ABLIM2: variants seen among roughly 807,000 people sequenced by gnomAD.
The protein encoded by ABLIM2 is actin-binding LIM protein 2.
A neutral mutation model predicts 97.7 loss-of-function variants in ABLIM2; 53 were observed. That is an observed-to-expected ratio of 0.54 (90% CI 0.44 to 0.68). The LOEUF (loss-of-function observed/expected upper bound fraction) is 0.68. ABLIM2 is among the 30% of genes least tolerant of loss of function. ABLIM2 has a pLI of 0.00. For missense variants in ABLIM2, 835 were observed against 867.2 expected, an observed-to-expected ratio of 0.96 and a Z score of 0.47; for synonymous variants, 361 against 345.8, an observed-to-expected ratio of 1.04 and a Z score of -0.49.
intron 16 of ABLIM2, chr4:8,007,429 C>T (rs1488893853): frequency 6.1e-6 from 6 of 985,442 alleles, no homozygotes; most frequent in South Asian, 4.7e-5. Context: ...AGCTGAGACC[C>T]GCAGACCGCT....
chr4:8,151,864 G>C (rs1323361934), intron 1 of ABLIM2, among the ~76,000 whole-genome samples: 1 of 151,516 alleles, frequency 6.6e-6, no homozygotes, highest in Non-Finnish European at 1.5e-5. Flanking sequence ...GGGTGGGGGT[G>C]GGGGAGTCGG....
chr4:8,154,064 G>A lies in ABLIM2; in HGVS notation c.10+4616C>T, dbSNP rs201778889. Among the ~76,000 whole-genome samples, 305 of 147,964 alleles carry A rather than the reference G, an allele frequency of 2.1e-3. 1 individual carries two copies. Among genetic ancestry groups the A allele is most frequent in the East Asian group, 0.018 (89 of 4,964 alleles). Reference sequence around the variant, plus strand: ...TGCAAGCTCTGCCTCCCAGGTTCACGCCATTCTCCTGCCTCAGCCTCCCGA... The same window carrying A: ...TGCAAGCTCTGCCTCCCAGGTTCACACCATTCTCCTGCCTCAGCCTCCCGA... On this transcript the variant is annotated intron_variant, in intron 1 of 20. Coordinates refer to ENST00000447017, the MANE Select transcript of ABLIM2 (RefSeq NM_001130083.2).
At chr4:8,103,686 G>A (rs1386127893) in intron 2 of ABLIM2, among the ~76,000 whole-genome samples, 2 of 152,342 alleles carry the variant, frequency 1.3e-5, no homozygotes, top group East Asian at 1.9e-4. Context: ...TGTCGCTGGC[G>A]AGGAAGAGGT....
intron 10 of ABLIM2, among the ~76,000 whole-genome samples, chr4:8,035,756 C>T (rs567208137): frequency 2.6e-5 from 4 of 152,130 alleles, no homozygotes; most frequent in Admixed American, 6.5e-5. Flanking sequence ...GCCATGGCAG[C>T]GAGGGTGGCA....
rs1792467712 is a variant in ABLIM2 at position 8,046,402 on chromosome 4, C to G, written c.823-1161G>C. On this transcript the variant is annotated intron_variant, in intron 8 of 20. Transcript: ENST00000447017. The surrounding 1 kb of genome is among the most constrained non-coding windows in gnomAD (Gnocchi z 4.4). ...CAGCCCTCACTCCTGGGCCACCTGC[C>G]TGGCCTTCCCCACGCCTCCTATTCA... is the stretch of plus-strand genomic sequence containing the variant. Among the ~76,000 whole-genome samples, 1 of 152,136 alleles carries G rather than the reference C, an allele frequency of 6.6e-6. No individual in the cohort carries two copies. Among genetic ancestry groups the G allele is most frequent in the Non-Finnish European group, 1.5e-5 (1 of 68,022 alleles).
chr4:8,009,636 T>C (rs1218262198), intron 14 of ABLIM2, among the ~76,000 whole-genome samples: 1 of 152,150 alleles, frequency 6.6e-6, no homozygotes, highest in Non-Finnish European at 1.5e-5. Context: ...TCTCAAGTAA[T>C]CCACGTGCCT....
At chr4:8,053,793 C>T (rs775744043) in intron 8 of ABLIM2, among the ~76,000 whole-genome samples, 2 of 152,120 alleles carry the variant, frequency 1.3e-5, no homozygotes, top group Admixed American at 6.5e-5. Context: ...GGTTAGTTAT[C>T]TCGGGAGTTT....
chr4:7,990,927 C>T (rs1748207104), intron 17 of ABLIM2, among the ~76,000 whole-genome samples: 1 of 152,188 alleles, frequency 6.6e-6, no homozygotes, highest in Non-Finnish European at 1.5e-5. Flanking sequence ...CACCAATCTC[C>T]CCCAGAAGCA....
At position 7,983,247 on chromosome 4, in the gene ABLIM2, G is replaced by T; in HGVS notation, c.1824+17C>A. On this transcript the variant is annotated intron_variant, in intron 20 of 20. Transcript: ENST00000447017. ...GCATGGGAAATGAGTCCCCTGCCCC[G>T]GCAGTCCCCCGCTTACCTCCAGTCT... is the stretch of plus-strand genomic sequence containing the variant. The T allele has an allele frequency of 6.2e-7, 1 of 1,603,072 alleles. No individual in the cohort carries two copies. Among genetic ancestry groups the T allele is most frequent in the South Asian group, 1.1e-5 (1 of 88,362 alleles).
At chr4:7,978,094 A>G (rs1434144556) in intron 20 of ABLIM2, among the ~76,000 whole-genome samples, 1 of 152,172 alleles carries the variant, frequency 6.6e-6, no homozygotes, top group Non-Finnish European at 1.5e-5. Flanking sequence ...TTTTTTAAAT[A>G]TATATTAAAA....
rs977692319 is a variant in ABLIM2, at chr4:7,998,260, C to T, written c.1619-5333G>A. Among the ~76,000 whole-genome samples the T allele has an allele frequency of 6.6e-6, 1 of 152,086 alleles. No individual in the cohort carries two copies. The highest frequency in any genetic ancestry group is 1.5e-5 in the Non-Finnish European group (1 of 68,016). On this transcript the variant is annotated intron_variant, in intron 16 of 20. Coordinates refer to ENST00000447017, the MANE Select transcript of ABLIM2 (RefSeq NM_001130083.2). The surrounding 1 kb of genome is among the most constrained non-coding windows in gnomAD (Gnocchi z 6.4). ...TGACGGGTAATTTTTCTGCAGTATC[C>T]TGGGCATTTTGGATATTATGTTAGA...
At chr4:8,116,580 G>A (rs750898595) in intron 1 of ABLIM2, among the ~76,000 whole-genome samples, 10 of 152,198 alleles carry the variant, frequency 6.6e-5, no homozygotes, top group Admixed American at 1.3e-4. Context: ...TTGCACATCC[G>A]GGGACTATGG....
intron 12 of ABLIM2, among the ~76,000 whole-genome samples, chr4:8,024,402 G>C (rs908473585): frequency 1.3e-5 from 2 of 152,194 alleles, no homozygotes; most frequent in Non-Finnish European, 2.9e-5. Context: ...GGCCCTGCCA[G>C]CATTCGGTGG....
At chr4:7,989,985 A>C (rs1209265277) in intron 17 of ABLIM2, among the ~76,000 whole-genome samples, 2 of 152,176 alleles carry the variant, frequency 1.3e-5, no homozygotes, top group African/African-American at 4.8e-5. Flanking sequence ...CTTGGCTATT[A>C]GGACGTTTTA....
chr4:8,045,732 T>G (rs772511996), intron 8 of ABLIM2, among the ~76,000 whole-genome samples: 2 of 152,150 alleles, frequency 1.3e-5, no homozygotes, highest in Non-Finnish European at 2.9e-5. Flanking sequence ...CTTGGATGAA[T>G]GACTGAAAAG....
chr4:8,057,592 A>G (rs1327885277), intron 7 of ABLIM2, among the ~76,000 whole-genome samples: 1 of 152,192 alleles, frequency 6.6e-6, no homozygotes, highest in South Asian at 2.1e-4. Context: ...CTTCTCACCA[A>G]CATGGGGCTC....
At chr4:8,064,749 G>C (rs1053867784) in intron 6 of ABLIM2, among the ~76,000 whole-genome samples, 1 of 152,076 alleles carries the variant, frequency 6.6e-6, no homozygotes, top group Non-Finnish European at 1.5e-5. Context: ...TACCTGGCTA[G>C]GGTGCCCTTG....
At position 8,072,936 on chromosome 4, in the gene ABLIM2, C is replaced by A. The variant is rs534336522; in HGVS notation, c.675+4692G>T. On this transcript the variant is annotated intron_variant, in intron 6 of 20. Coordinates refer to ENST00000447017, the MANE Select transcript of ABLIM2 (RefSeq NM_001130083.2). This position sits in a 1 kb window ranked among gnomAD's most constrained non-coding sequence, Gnocchi z 5.8. ...TAGGGTTTCCTGCACACAAAGCCCC[C>A]GGATCTGCAGAAGAGCAGGGAGAGT... Among the ~76,000 whole-genome samples, 1 of 152,182 alleles carries A rather than the reference C, an allele frequency of 6.6e-6. No homozygotes were observed. The highest frequency in any genetic ancestry group is 6.5e-5 in the Admixed American group (1 of 15,290).
At chr4:8,126,136 C>T (rs567140659) in intron 1 of ABLIM2, among the ~76,000 whole-genome samples, 8 of 152,302 alleles carry the variant, frequency 5.3e-5, no homozygotes, top group African/African-American at 1.7e-4. Flanking sequence ...TAACATTCCA[C>T]GGAGTTTCAG....
Sources: allele counts gnomAD v4.1 joint callset (sites outside exome capture counted in the v4.1 genomes callset), GRCh38; gene constraint gnomAD v4.1.1; non-coding constraint Gnocchi (gnomAD v3.1); transcripts MANE v1.5; gene names NCBI Gene and HGNC (gene_info 2026-07-23, HGNC 2026-07-21).